Variants in KLF8 observed in about 807,000 individuals in gnomAD.
KLF8 encodes Krueppel-like factor 8.
A neutral mutation model predicts 18.2 loss-of-function variants in KLF8; 10 were observed. That is an observed-to-expected ratio of 0.55 (90% CI 0.34 to 0.93). The LOEUF is 0.93. Ranked by LOEUF, KLF8 falls within the 40% of genes least tolerant of loss-of-function variation. The pLI, the probability that KLF8 is intolerant of heterozygous loss-of-function variation, is 0.02. For synonymous variants in KLF8, 109 were observed against 97.3 expected (o/e 1.12, Z -0.71); for missense variants, 264 against 277.9 (o/e 0.95, Z 0.36).
At chrX:56,207,229 T>C in the KLF8 span, among the ~76,000 whole-genome samples, 31 of 112,718 alleles carry the variant, frequency 2.8e-4, no homozygotes, top group Non-Finnish European at 5.2e-4. Context: ...CCCCATTGTA[T>C]TGGCAATTAA....
At chrX:56,049,375 T>C in the KLF8 span, among the ~76,000 whole-genome samples, 1 of 111,412 alleles carries the variant, frequency 9.0e-6, no homozygotes, top group South Asian at 3.8e-4. Flanking sequence ...CTAGTTTTTG[T>C]CCATTCAGTA....
the KLF8 span, among the ~76,000 whole-genome samples, chrX:56,079,690 G>T: frequency 2.7e-5 from 3 of 110,770 alleles, no homozygotes; most frequent in Non-Finnish European, 3.8e-5. Flanking sequence ...CAATTCCTGG[G>T]TATGGGTATC....
chrX:56,181,722 A>T, the KLF8 span, among the ~76,000 whole-genome samples: 3 of 110,875 alleles, frequency 2.7e-5, no homozygotes, highest in South Asian at 3.8e-4. Flanking sequence ...TCATTTATGA[A>T]GATTAGTTTG....
chrX:56,108,072 C>T, the KLF8 span, among the ~76,000 whole-genome samples: 406 of 111,895 alleles, frequency 3.6e-3, 5 homozygotes, highest in African/African-American at 0.013. Flanking sequence ...TGAAAATTTG[C>T]TGAGTTTTGT....
the KLF8 span, among the ~76,000 whole-genome samples, chrX:56,047,106 T>G: frequency 2.0e-4 from 22 of 110,520 alleles, no homozygotes; most frequent in Non-Finnish European, 2.8e-4. Context: ...TTGAAAGCCT[T>G]GTCTTTGAGC....
the KLF8 span, among the ~76,000 whole-genome samples, chrX:56,031,893 G>A: frequency 8.9e-6 from 1 of 111,738 alleles, no homozygotes; most frequent in South Asian, 3.8e-4. Context: ...AAAGGGCCGT[G>A]ATCGATCGAG....
chrX:56,210,448 TTGC>T, the KLF8 span, among the ~76,000 whole-genome samples: 1 of 111,858 alleles, frequency 8.9e-6, no homozygotes, highest in Non-Finnish European at 1.9e-5. Flanking sequence ...TTATCTTACC[TTGC>T]TGCTTTTATG....
chrX:56,109,769 C>CATTT, the KLF8 span, among the ~76,000 whole-genome samples: 1 of 108,884 alleles, frequency 9.2e-6, no homozygotes. Flanking sequence ...TTTTCCCTTT[C>CATTT]TTATTTTCTT....
the KLF8 span, among the ~76,000 whole-genome samples, chrX:56,053,032 A>G: frequency 2.7e-5 from 3 of 111,863 alleles, no homozygotes; most frequent in Admixed American, 1.9e-4. Context: ...CCGATTTTCC[A>G]GGTGCCGTCT....
the KLF8 span, among the ~76,000 whole-genome samples, chrX:56,093,394 T>A: frequency 2.7e-5 from 3 of 109,592 alleles, no homozygotes; most frequent in Admixed American, 9.8e-5. Flanking sequence ...AACAAGAGAG[T>A]GGAGTAAGGT....
At chrX:56,033,918 C>T in the KLF8 span, among the ~76,000 whole-genome samples, 1 of 112,372 alleles carries the variant, frequency 8.9e-6, no homozygotes, top group Middle Eastern at 4.6e-3. Flanking sequence ...GAATACCTTA[C>T]ATATTGAATA....
In KLF8 at chrX:56,271,501, A is replaced by T. The variant is rs775856590; in HGVS notation, c.898+1180A>T. On this transcript the variant is annotated intron_variant, in intron 5 of 5. Transcript: ENST00000468660. ...CAGAATTGGGACTTAGACACCTTGGACAAGGAGGAAGCCCTCCTTTCTTGT... is the reference window on the plus strand; with the variant it reads ...CAGAATTGGGACTTAGACACCTTGGTCAAGGAGGAAGCCCTCCTTTCTTGT... Among the ~76,000 whole-genome samples the T allele has an allele frequency of 6.3e-5, 7 of 111,132 alleles. No homozygotes were observed. In the East Asian group the frequency reaches 2.0e-3, roughly 32 times the overall value.
At position 56,265,345 on chromosome X, in the gene KLF8, C is replaced by A; in HGVS notation, c.247C>A (p.Gln83Lys). The part of the protein sequence containing the change: ...ELLASDFSLP[Q>K]VEPVDLSFHK... Reference sequence around the variant, plus strand: ...TTTGGCTAGTGATTTCAGCCTGCCCCAAGTGGAACCAGTTGACCTCTCCTT... The same window carrying A: ...TTTGGCTAGTGATTTCAGCCTGCCCAAAGTGGAACCAGTTGACCTCTCCTT... The change falls in exon 3 of 6, where the codon CAA becomes AAA. Residue 83 changes from glutamine (Q) to lysine (K), a missense_variant. Around this residue, in one of 2 missense-constraint regions of KLF8, gnomAD observed 221 missense variants for 193.6 expected, o/e 1.14. Transcript: ENST00000468660. The A allele has an allele frequency of 8.3e-7, 1 of 1,209,189 alleles. No homozygotes were observed. Among genetic ancestry groups the A allele is most frequent in the East Asian group, 3.0e-5 (1 of 33,757 alleles).
the KLF8 span, among the ~76,000 whole-genome samples, chrX:55,909,762 A>T: frequency 8.9e-6 from 1 of 112,509 alleles, no homozygotes; most frequent in Non-Finnish European, 1.9e-5. Flanking sequence ...GCAGAGAGGA[A>T]AGAGCAGGAA....
At chrX:56,250,972 G>A (rs1315464595) in intron 2 of KLF8, among the ~76,000 whole-genome samples, 2 of 112,327 alleles carry the variant, frequency 1.8e-5, no homozygotes, top group East Asian at 2.8e-4. Flanking sequence ...ATTATAGAGA[G>A]TAATGTGCCC....
the KLF8 span, among the ~76,000 whole-genome samples, chrX:56,078,717 G>T: frequency 9.0e-6 from 1 of 111,726 alleles, no homozygotes; most frequent in Non-Finnish European, 1.9e-5. Context: ...AGAAGGAATG[G>T]TACCAGTTCC....
the KLF8 span, among the ~76,000 whole-genome samples, chrX:56,203,370 T>A: frequency 8.9e-6 from 1 of 112,506 alleles, no homozygotes; most frequent in East Asian, 2.8e-4. Context: ...TCCCACTCTG[T>A]GGGTCGTTTC....
chrX:55,963,683 A>G, the KLF8 span, among the ~76,000 whole-genome samples: 1 of 112,413 alleles, frequency 8.9e-6, no homozygotes, highest in Non-Finnish European at 1.9e-5. Flanking sequence ...GAAAGGCTTC[A>G]ACACACCACA....
At position 56,284,831 on chromosome X, in the gene KLF8, A is replaced by G. The variant is rs2067251202; in HGVS notation, c.*337A>G. The G allele has an allele frequency of 5.1e-6, 1 of 195,088 alleles. No individual in the cohort carries two copies. The highest frequency in any genetic ancestry group is 2.9e-5 in the African/African-American group (1 of 33,970). The allele number at this position is 195,088 out of a possible 1,213,427, so 16.1% of individuals were successfully genotyped here. A position where few individuals can be genotyped will look rare whatever the true frequency, so the allele number is the denominator to read the frequency against. ...GGAATCAAACTCAAGGCTGTGAACA[A>G]ACATACGCTGCTTTATTCTTTCCAA... On this transcript the variant is annotated 3_prime_UTR_variant, in exon 6 of 6. Coordinates refer to ENST00000468660, the MANE Select transcript of KLF8 (RefSeq NM_007250.5).
Sources: gnomAD v4.1 joint callset for allele counts (sites outside exome capture counted in the v4.1 genomes callset) on GRCh38, gnomAD v4.1.1 for gene constraint, gnomAD v4.1.1 regional missense constraint, MANE v1.5 for transcripts, NCBI Gene and HGNC (gene_info 2026-07-23, HGNC 2026-07-21) for gene names.